The following SHISA9 variants were observed in gnomAD, a reference collection of about 807,000 sequenced individuals.
The protein encoded by SHISA9 is shisa family member 9.
SHISA9 carries 13 observed loss-of-function variants against 38.0 expected under a neutral mutation model. That is an observed-to-expected ratio of 0.34 (90% CI 0.22 to 0.54). The LOEUF (loss-of-function observed/expected upper bound fraction) is 0.54, where lower values mean the gene tolerates loss of function less well. SHISA9 is among the 20% of genes least tolerant of loss of function. The pLI is 0.91. For missense variants in SHISA9, 538 were observed against 575.8 expected (o/e 0.93, Z 0.67); for synonymous variants, 275 against 242.0 (o/e 1.14, Z -1.27).
chr16:13,270,194 G>A, the SHISA9 span, among the ~76,000 whole-genome samples: 1 of 152,140 alleles, frequency 6.6e-6, no homozygotes, highest in South Asian at 2.1e-4. Flanking sequence ...TCCCCTGATG[G>A]TGAGGGTCAG....
chr16:13,206,911 C>T (rs1394310122), intron 3 of SHISA9, among the ~76,000 whole-genome samples: 5 of 152,236 alleles, frequency 3.3e-5, no homozygotes, highest in Admixed American at 6.5e-5. Flanking sequence ...GCAAGAGTCA[C>T]GGCATCTTTG....
chr16:13,379,537 C>A, the SHISA9 span, among the ~76,000 whole-genome samples: 4 of 152,308 alleles, frequency 2.6e-5, no homozygotes, highest in East Asian at 7.7e-4. Flanking sequence ...TCATCAGGGG[C>A]TGACAAGTGG....
At chr16:13,124,547 G>A (rs552450283) in intron 2 of SHISA9, among the ~76,000 whole-genome samples, 5 of 152,162 alleles carry the variant, frequency 3.3e-5, no homozygotes, top group Non-Finnish European at 5.9e-5. Flanking sequence ...GTGTGCCCCA[G>A]ACAGGTTAAT....
chr16:13,284,103 A>G, the SHISA9 span, among the ~76,000 whole-genome samples: 1 of 152,176 alleles, frequency 6.6e-6, no homozygotes, highest in Non-Finnish European at 1.5e-5. Flanking sequence ...CATTGCATAT[A>G]TTTCAAACTC....
At chr16:13,536,532 A>C in the SHISA9 span, among the ~76,000 whole-genome samples, 1 of 152,240 alleles carries the variant, frequency 6.6e-6, no homozygotes, top group African/African-American at 2.4e-5. Flanking sequence ...GCCCTAACAT[A>C]GAGATAAGCA....
At chr16:13,101,557 A>T (rs745701065) in intron 2 of SHISA9, among the ~76,000 whole-genome samples, 1 of 152,230 alleles carries the variant, frequency 6.6e-6, no homozygotes, top group Non-Finnish European at 1.5e-5. Context: ...GTTTGGGTTG[A>T]TGGTCTTATT....
intron 2 of SHISA9, among the ~76,000 whole-genome samples, chr16:13,177,009 G>T (rs894191618): frequency 6.6e-6 from 1 of 152,158 alleles, no homozygotes; most frequent in Non-Finnish European, 1.5e-5. Flanking sequence ...CAGAGCTGGG[G>T]ATCCTCTGAA....
At chr16:13,532,865 T>C in the SHISA9 span, among the ~76,000 whole-genome samples, 3 of 152,144 alleles carry the variant, frequency 2.0e-5, no homozygotes, top group African/African-American at 7.2e-5. Context: ...CTGCTATTCC[T>C]GTCTTCCATC....
the SHISA9 span, among the ~76,000 whole-genome samples, chr16:13,288,759 C>T: frequency 3.3e-5 from 5 of 152,182 alleles, no homozygotes; most frequent in African/African-American, 9.7e-5. Flanking sequence ...CCACTGCACT[C>T]CAGCTTGGTG....
At chr16:13,392,059 G>A in the SHISA9 span, among the ~76,000 whole-genome samples, 7 of 152,162 alleles carry the variant, frequency 4.6e-5, no homozygotes, top group Non-Finnish European at 8.8e-5. Context: ...CAGCTGAGGT[G>A]TGCAGCAGGG....
chr16:13,104,123 G>T (rs958115568), intron 2 of SHISA9, among the ~76,000 whole-genome samples: 1 of 152,044 alleles, frequency 6.6e-6, no homozygotes, highest in Non-Finnish European at 1.5e-5. Flanking sequence ...TTCATCCCCA[G>T]CTAATGCCCT....
the SHISA9 span, among the ~76,000 whole-genome samples, chr16:13,398,355 C>A: frequency 6.6e-6 from 1 of 152,104 alleles, no homozygotes; most frequent in African/African-American, 2.4e-5. Flanking sequence ...TTTTGGGGAG[C>A]CAATTTTGAC....
chr16:13,528,628 T>G, the SHISA9 span, among the ~76,000 whole-genome samples: 1 of 152,154 alleles, frequency 6.6e-6, no homozygotes, highest in Admixed American at 6.5e-5. Context: ...CCAGGCAGAT[T>G]CTGGGTTTAA....
chr16:12,937,094 C>T (rs1452390359), intron 2 of SHISA9, among the ~76,000 whole-genome samples: 1 of 152,116 alleles, frequency 6.6e-6, no homozygotes, highest in Admixed American at 6.5e-5. Flanking sequence ...CACCTATGTG[C>T]ATATTTTTTG....
intron 2 of SHISA9, among the ~76,000 whole-genome samples, chr16:12,920,537 G>C (rs1290878938): frequency 6.6e-6 from 1 of 152,104 alleles, no homozygotes; most frequent in Non-Finnish European, 1.5e-5. Flanking sequence ...AGATGCTTGA[G>C]GGGATGGATG....
chr16:13,329,201 C>G, the SHISA9 span, among the ~76,000 whole-genome samples: 1 of 152,188 alleles, frequency 6.6e-6, no homozygotes, highest in Non-Finnish European at 1.5e-5. Context: ...CCTCCTCAAG[C>G]CTGCCTGTAA....
intron 2 of SHISA9, among the ~76,000 whole-genome samples, chr16:13,150,867 A>C (rs1225503729): frequency 6.6e-6 from 1 of 152,196 alleles, no homozygotes; most frequent in Non-Finnish European, 1.5e-5. Context: ...ACCACAATGT[A>C]ACGTTTCCTT....
At chr16:13,477,071 G>A in the SHISA9 span, among the ~76,000 whole-genome samples, 2 of 152,156 alleles carry the variant, frequency 1.3e-5, no homozygotes, top group South Asian at 2.1e-4. Flanking sequence ...ATGTTCTTAC[G>A]TGGTCCACCA....
At chr16:13,021,111 T>C (rs911467338) in intron 2 of SHISA9, among the ~76,000 whole-genome samples, 6 of 152,218 alleles carry the variant, frequency 3.9e-5, no homozygotes, top group African/African-American at 1.4e-4. Context: ...TATATGGTCC[T>C]GCTGTCTCCT....
Sources: allele counts gnomAD v4.1 joint callset (sites outside exome capture counted in the v4.1 genomes callset), GRCh38; gene constraint gnomAD v4.1.1; transcripts MANE v1.5; gene names NCBI Gene and HGNC (gene_info 2026-07-23, HGNC 2026-07-21).